TBL1XR1: variants seen among roughly 807,000 people sequenced by gnomAD.
TBL1XR1 encodes the protein F-box-like/WD repeat-containing protein TBL1XR1.
TBL1XR1 carries 5 observed loss-of-function variants against 66.9 expected under a neutral mutation model. The ratio of observed to expected loss-of-function variants is 0.07; its 90% CI spans 0.04 to 0.16. The LOEUF is 0.16. Among genes scored for constraint, TBL1XR1 ranks in the 10% least tolerant of loss-of-function variants. TBL1XR1 has a pLI of 1.00. For missense variants in TBL1XR1, 238 were observed against 623.2 expected, an observed-to-expected ratio of 0.38 and a Z score of 6.58; for synonymous variants, 210 against 206.0, an observed-to-expected ratio of 1.02 and a Z score of -0.17.
intron 3 of TBL1XR1, among the ~76,000 whole-genome samples, chr3:177,056,986 CT>C (rs1379766460): frequency 6.6e-6 from 1 of 152,172 alleles, no homozygotes; most frequent in African/African-American, 2.4e-5. Context: ...CATATCACTT[CT>C]TGCTTGAGAA....
chr3:177,164,460 C>T (rs1732588093), intron 1 of TBL1XR1, among the ~76,000 whole-genome samples: 2 of 151,918 alleles, frequency 1.3e-5, no homozygotes, highest in Non-Finnish European at 2.9e-5. Flanking sequence ...AGCGATTCTC[C>T]TGCCTTAGCC....
intron 1 of TBL1XR1, among the ~76,000 whole-genome samples, chr3:177,172,633 A>G (rs943414239): frequency 4.3e-5 from 5 of 117,550 alleles, no homozygotes; most frequent in Admixed American, 9.7e-5. Context: ...AGAAAGAGAG[A>G]AGAGAGAGAG....
intron 1 of TBL1XR1, among the ~76,000 whole-genome samples, chr3:177,144,801 AT>A (rs1470727630): frequency 6.6e-6 from 1 of 152,206 alleles, no homozygotes; most frequent in Non-Finnish European, 1.5e-5. Context: ...CTACACATAA[AT>A]TAATCAATGT....
At chr3:177,142,771 C>T (rs1363514014) in intron 1 of TBL1XR1, among the ~76,000 whole-genome samples, 2 of 151,986 alleles carry the variant, frequency 1.3e-5, no homozygotes, top group African/African-American at 2.4e-5. Context: ...ACAGTCAATC[C>T]TCACCAATTC....
chr3:177,099,858 A>G (rs1723971685), intron 1 of TBL1XR1, among the ~76,000 whole-genome samples: 1 of 152,246 alleles, frequency 6.6e-6, no homozygotes. Context: ...AAATCAATGG[A>G]GCATTTTTGT....
rs995066403 is a variant in TBL1XR1, at chr3:177,023,153, A to C, written c.*2345T>G. ...AGTCAATAACTGTATGCAAATGAATAAACTGTCCATATCAAAATACAAAAG... is the reference window on the plus strand; with the variant it reads ...AGTCAATAACTGTATGCAAATGAATCAACTGTCCATATCAAAATACAAAAG... On this transcript the variant is annotated 3_prime_UTR_variant, in exon 16 of 16. Transcript: ENST00000457928. 8 of 152,638 alleles carry C rather than the reference A, an allele frequency of 5.2e-5. No individual in the cohort carries two copies. The highest frequency in any genetic ancestry group is 1.9e-4 in the African/African-American group (8 of 41,560). The allele number at this position is 152,638 out of a possible 1,614,324, so 9.5% of individuals were successfully genotyped here.
At chr3:177,148,566 T>A (rs971987136) in intron 1 of TBL1XR1, among the ~76,000 whole-genome samples, 7 of 151,424 alleles carry the variant, frequency 4.6e-5, no homozygotes, top group Non-Finnish European at 8.8e-5. Context: ...ATACAAAAAA[T>A]TAGCCGAGCA....
intron 1 of TBL1XR1, among the ~76,000 whole-genome samples, chr3:177,100,519 G>C (rs902515911): frequency 6.6e-6 from 1 of 151,954 alleles, no homozygotes; most frequent in East Asian, 1.9e-4. Flanking sequence ...CACCTCCTGA[G>C]TTCAAGTGGT....
At chr3:177,151,610 A>G (rs1730898775) in intron 1 of TBL1XR1, among the ~76,000 whole-genome samples, 1 of 152,202 alleles carries the variant, frequency 6.6e-6, no homozygotes, top group South Asian at 2.1e-4. Context: ...AAGGTTGGGG[A>G]CCACTGGTTT....
At chr3:177,079,450 T>G (rs1222118315) in intron 2 of TBL1XR1, 2 of 151,166 alleles carry the variant, frequency 1.3e-5, no homozygotes, top group African/African-American at 4.9e-5. Context: ...AAAAAAAAAT[T>G]TGTATCTAGT....
chr3:177,060,249 A>G (rs189211007), intron 3 of TBL1XR1, among the ~76,000 whole-genome samples: 1 of 152,294 alleles, frequency 6.6e-6, no homozygotes, highest in East Asian at 1.9e-4. Flanking sequence ...CCTAATACAG[A>G]TTTTATATAT....
intron 12 of TBL1XR1, among the ~76,000 whole-genome samples, chr3:177,034,657 C>T (rs1171831130): frequency 6.6e-6 from 1 of 151,876 alleles, no homozygotes; most frequent in Non-Finnish European, 1.5e-5. Flanking sequence ...AGCAAAAGAT[C>T]TACATAATAA....
chr3:177,023,029 A>C lies in TBL1XR1; in HGVS notation c.*2469T>G, dbSNP rs1712594950. On this transcript the variant is annotated 3_prime_UTR_variant, in exon 16 of 16. Coordinates refer to ENST00000457928, the MANE Select transcript of TBL1XR1 (RefSeq NM_024665.7). ...AAAATAGCTAAAGAAAAAAAAGAAA[A>C]AAAAAACAGAAAAGATGACAATATC... The C allele has an allele frequency of 6.6e-6, 1 of 152,406 alleles. No individual in the cohort carries two copies. Among genetic ancestry groups the C allele is most frequent in the African/African-American group, 2.4e-5 (1 of 41,432 alleles). 9.4% of individuals were successfully genotyped at this position (152,406 alleles called of 1,614,324 possible).
chr3:177,049,947 G>A (rs1716833928), intron 7 of TBL1XR1, 50 bp downstream of exon 7: 38 of 1,592,630 alleles, frequency 2.4e-5, no homozygotes, highest in Non-Finnish European at 3.2e-5. Flanking sequence ...GAGGCTCTGA[G>A]GGTTAGGTAT....
At chr3:177,189,785 T>A (rs567396061) in intron 1 of TBL1XR1, among the ~76,000 whole-genome samples, 1 of 152,134 alleles carries the variant, frequency 6.6e-6, no homozygotes, top group Non-Finnish European at 1.5e-5. Context: ...GACATTCTTC[T>A]GGTAGATAAA....
intron 1 of TBL1XR1, among the ~76,000 whole-genome samples, chr3:177,132,256 A>T (rs147252595): frequency 6.6e-6 from 1 of 152,294 alleles, no homozygotes; most frequent in East Asian, 1.9e-4. Context: ...CCACTATGGG[A>T]TCCCTGGTTC....
intron 4 of TBL1XR1, among the ~76,000 whole-genome samples, chr3:177,052,275 C>G (rs956634390): frequency 2.0e-5 from 3 of 152,068 alleles, no homozygotes; most frequent in African/African-American, 7.2e-5. Context: ...TTAGGAAGTT[C>G]CTAATAAAGA....
intron 1 of TBL1XR1, among the ~76,000 whole-genome samples, chr3:177,126,467 T>C (rs1194363514): frequency 6.6e-6 from 1 of 152,228 alleles, no homozygotes; most frequent in Non-Finnish European, 1.5e-5. Flanking sequence ...TTTCCCAGTG[T>C]TGTTTGCTCC....
chr3:177,168,261 G>T (rs1733058805), intron 1 of TBL1XR1, among the ~76,000 whole-genome samples: 1 of 150,164 alleles, frequency 6.7e-6, no homozygotes, highest in Admixed American at 6.7e-5. Flanking sequence ...GAATCAACAT[G>T]GAAGAAAACA....
Sources: gnomAD v4.1 joint callset for allele counts (sites outside exome capture counted in the v4.1 genomes callset) on GRCh38, gnomAD v4.1.1 for gene constraint, MANE v1.5 for transcripts, NCBI Gene and HGNC (gene_info 2026-07-23, HGNC 2026-07-21) for gene names.